The following RBL2 variants were observed in gnomAD, a reference collection of about 807,000 sequenced individuals.
RBL2 encodes retinoblastoma-like protein 2.
Under a neutral mutation model 126.0 loss-of-function variants are expected in RBL2, and 56 were observed. The observed-to-expected ratio is 0.44, with a 90% CI of 0.36 to 0.56. The LOEUF (loss-of-function observed/expected upper bound fraction) is 0.56. RBL2 is among the 20% of genes least tolerant of loss of function. RBL2 has a pLI of 0.00. For missense variants in RBL2, 1,229 were observed against 1,398.2 expected, an observed-to-expected ratio of 0.88 and a Z score of 1.93; for synonymous variants, 454 against 478.5, an observed-to-expected ratio of 0.95 and a Z score of 0.67.
chr16:53,454,105 T>C (rs2150795873), intron 7 of RBL2: 1 of 407,958 alleles, frequency 2.5e-6, no homozygotes, highest in Non-Finnish European at 4.7e-6. Context: ...TCACCGGAAG[T>C]TGCACCTACC....
chr16:53,474,623 C>G (rs1450791473), intron 17 of RBL2, among the ~76,000 whole-genome samples: 1 of 152,118 alleles, frequency 6.6e-6, no homozygotes, highest in Non-Finnish European at 1.5e-5. Flanking sequence ...GCCTATAATT[C>G]TTTTTATATG....
intron 8 of RBL2, among the ~76,000 whole-genome samples, chr16:53,455,864 A>G (rs763315847): frequency 6.6e-6 from 1 of 152,128 alleles, no homozygotes; most frequent in Non-Finnish European, 1.5e-5. Context: ...AGAGTGAGGG[A>G]AAAAGTGGTA....
In RBL2 at chr16:53,439,112, T is replaced by G. The variant is rs986336163; in HGVS notation, c.337T>G (p.Ser113Ala). The G allele has an allele frequency of 6.2e-7, 1 of 1,606,604 alleles. No individual in the cohort carries two copies. The highest frequency in any genetic ancestry group is 8.5e-7 in the Non-Finnish European group (1 of 1,176,808). ...AGGGACAGTGGAAGGAAACTATGTA[T>G]CTTTAACTAGAATCCTGAAATGTTC... ...SKGTVEGNYV[S>A]LTRILKCSEQ... The change falls in exon 2 of 22, where the codon TCT (serine) becomes GCT (alanine). Residue 113 changes from serine to alanine, a missense_variant. By Grantham distance (99) the Ser-to-Ala change is moderately conservative. Transcript: ENST00000262133.
At chr16:53,488,635 C>T (rs573310487) in intron 21 of RBL2, 2 of 152,264 alleles carry the variant, frequency 1.3e-5, no homozygotes, top group South Asian at 4.1e-4. Context: ...AACGTACTAA[C>T]ATTTAGACTA....
chr16:53,459,358 T>A (rs1820842473), intron 8 of RBL2, 93 bp from the exon 9 acceptor site: 7 of 987,842 alleles, frequency 7.1e-6, no homozygotes, highest in South Asian at 4.6e-5. Flanking sequence ...TGGCTTGAAG[T>A]CCCATTTGTG....
chr16:53,484,147 C>T (rs1021810906), intron 21 of RBL2, among the ~76,000 whole-genome samples: 7 of 152,006 alleles, frequency 4.6e-5, no homozygotes, highest in African/African-American at 1.7e-4. Context: ...CAGTAACAGC[C>T]CCAAAAAGCA....
At chr16:53,444,179 CAGAAGTTGTGAGCCAAGATCG>C (rs1482213750) in intron 3 of RBL2, among the ~76,000 whole-genome samples, 1 of 151,780 alleles carries the variant, frequency 6.6e-6, no homozygotes, top group Admixed American at 6.6e-5. Context: ...AACCGAGAGG[CAGAAGTTGTGAGCCAAGATCG>C]TACCATTGCA....
chr16:53,485,214 A>C (rs1050819640), intron 21 of RBL2, among the ~76,000 whole-genome samples: 2 of 152,218 alleles, frequency 1.3e-5, no homozygotes, highest in African/African-American at 4.8e-5. Flanking sequence ...AAGGGTTGAA[A>C]TACTGTGTTT....
At chr16:53,435,771 C>T (rs1233403073) in intron 1 of RBL2, 25 of 1,272,404 alleles carry the variant, frequency 2.0e-5, no homozygotes, top group Middle Eastern at 4.3e-4. Flanking sequence ...ATGTTTTTGG[C>T]TATGTGTACT....
chr16:53,491,424 T>C lies in RBL2; in HGVS notation c.*1124T>C, dbSNP rs1227757733. ...TTATTAATCACTATTGTTCCAGCAG[T>C]TTTCAAGTCAAATTAATAATCTTAT... is the stretch of plus-strand genomic sequence containing the variant. On this transcript the variant is annotated 3_prime_UTR_variant, in exon 22 of 22. Transcript: ENST00000262133. 2 of 152,356 alleles carry C rather than the reference T, an allele frequency of 1.3e-5. No individual in the cohort carries two copies. Among genetic ancestry groups the C allele is most frequent in the Non-Finnish European group, 2.9e-5 (2 of 68,020 alleles). The allele number at this position is 152,356 out of a possible 1,614,324, so 9.4% of individuals were successfully genotyped here. A position where few individuals can be genotyped will look rare whatever the true frequency, so the allele number is the denominator to read the frequency against.
rs191122692 is a variant in RBL2, at chr16:53,472,233, T to G, written c.2703+1311T>G. Among the ~76,000 whole-genome samples, 125 of 152,340 alleles carry G rather than the reference T, an allele frequency of 8.2e-4. 1 individual carries two copies. The highest frequency in any genetic ancestry group is 7.9e-3 in the Admixed American group (121 of 15,308). On this transcript the variant is annotated intron_variant, in intron 17 of 21. Transcript: ENST00000262133. ...AGCACTGTTGTGAACAGGTATATCA[T>G]GTACCTGTTTGAGTGCCCATTTTCA...
At chr16:53,447,190 C>A in intron 4 of RBL2, 84 bp downstream of exon 4, 1 of 685,732 alleles carries the variant, frequency 1.5e-6, no homozygotes. Flanking sequence ...TAATATGTAT[C>A]AGGAAAAGAT....
chr16:53,470,072 A>G lies in RBL2; in HGVS notation c.2132A>G (p.Asn711Ser). 1.2e-6 allele frequency: 2 copies of G among 1,614,228 alleles called. No homozygotes were observed. The highest frequency in any genetic ancestry group is 1.7e-6 in the Non-Finnish European group (2 of 1,180,034). Residue 711 changes from asparagine to serine, a missense_variant, in exon 15 of 22, where the codon AAT becomes AGT. Asn to Ser is a conservative substitution (Grantham distance 46, BLOSUM62 1). Around this residue, in one of 2 missense-constraint regions of RBL2, gnomAD observed 1,070 missense variants for 1,274.3 expected, o/e 0.84. Transcript: ENST00000262133. ...CTAGTCAATGCTGTCCCTGTGCAGAATGTATCTGGGGAGACTGTTTCTGTC... is the reference window on the plus strand; with the variant it reads ...CTAGTCAATGCTGTCCCTGTGCAGAGTGTATCTGGGGAGACTGTTTCTGTC... ...QPLVNAVPVQNVSGETVSVTP... is the reference protein window; with the variant it reads ...QPLVNAVPVQSVSGETVSVTP...
chr16:53,451,937 C>G lies in RBL2; in HGVS notation c.766+106C>G. ...CATCAGTATTTTGAAGAGCTCCTGT[C>G]ATTACGGCTATCCAGGGTACTTATA... On this transcript the variant is annotated intron_variant, in intron 5 of 21. Coordinates refer to ENST00000262133, the MANE Select transcript of RBL2 (RefSeq NM_005611.4). 3.9e-6 allele frequency: 5 copies of G among 1,286,744 alleles called. No individual in the cohort carries two copies. The East Asian group carries it at 1.2e-4, about 30-fold the overall frequency. 79.7% of individuals were successfully genotyped at this position (1,286,744 alleles called of 1,614,324 possible). A position where few individuals can be genotyped will look rare whatever the true frequency, so the allele number is the denominator to read the frequency against.
chr16:53,459,515 G>T lies in RBL2; in HGVS notation c.1244G>T (p.Cys415Phe), dbSNP rs757304595. The change falls in exon 9 of 22, where the codon TGT becomes TTT. Residue 415 changes from cysteine to phenylalanine, a missense_variant. By Grantham distance (205) the Cys-to-Phe change is radical (BLOSUM62 -2). Around this residue, in one of 2 missense-constraint regions of RBL2, gnomAD observed 1,070 missense variants for 1,274.3 expected, o/e 0.84. Transcript: ENST00000262133. ...AGGTACATTAAGGAGAATAGCCCTT[G>T]TGTGACTCCAGTTTCTACAGCTACG... is the stretch of plus-strand genomic sequence containing the variant. ...GVRYIKENSP[C>F]VTPVSTATHS... The T allele has an allele frequency of 3.7e-6, 6 of 1,612,910 alleles. No homozygotes were observed.
chr16:53,444,850 A>C (rs1325482459), intron 3 of RBL2, among the ~76,000 whole-genome samples: 2 of 152,332 alleles, frequency 1.3e-5, no homozygotes, highest in African/African-American at 4.8e-5. Flanking sequence ...TTCGTCTCCA[A>C]ATAAATAAAT....
intron 21 of RBL2, among the ~76,000 whole-genome samples, chr16:53,483,443 C>G (rs1961035027): frequency 6.6e-6 from 1 of 152,178 alleles, no homozygotes; most frequent in Admixed American, 6.5e-5. Context: ...GTAGTTGTAG[C>G]TACTCAGGAG....
At chr16:53,488,805 C>T (rs1961277202) in intron 21 of RBL2, 1 of 151,982 alleles carries the variant, frequency 6.6e-6, no homozygotes, top group African/African-American at 2.4e-5. Context: ...ATACAGTAAA[C>T]AGTGTAAGAA....
intron 17 of RBL2, among the ~76,000 whole-genome samples, chr16:53,472,016 T>C (rs1005812085): frequency 1.3e-5 from 2 of 152,232 alleles, no homozygotes; most frequent in Non-Finnish European, 2.9e-5. Context: ...TGGTACAATA[T>C]GTGACCTCTT....
Sources: allele counts gnomAD v4.1 joint callset (sites outside exome capture counted in the v4.1 genomes callset), GRCh38; gene constraint gnomAD v4.1.1; regional missense constraint gnomAD v4.1.1; transcripts MANE v1.5; gene names NCBI Gene and HGNC (gene_info 2026-07-23, HGNC 2026-07-21).